The following NEBL variants were observed in gnomAD, a reference collection of about 807,000 sequenced individuals.
NEBL encodes the protein nebulette.
A neutral mutation model predicts 140.2 loss-of-function variants in NEBL; 122 were observed. The ratio of observed to expected loss-of-function variants is 0.87; its 90% CI spans 0.75 to 1.01. The LOEUF (loss-of-function observed/expected upper bound fraction) is 1.01, where lower values mean the gene tolerates loss of function less well. NEBL is among the 50% of genes least tolerant of loss of function. NEBL has a pLI of 0.00. For missense variants in NEBL, 1,365 were observed against 1,231.3 expected (o/e 1.11, Z -1.62); for synonymous variants, 436 against 398.9 (o/e 1.09, Z -1.11).
At chr10:20,806,156 T>C (rs1179258661) in intron 26 of NEBL, among the ~76,000 whole-genome samples, 1 of 152,128 alleles carries the variant, frequency 6.6e-6, no homozygotes, top group Non-Finnish European at 1.5e-5. Context: ...GGTGATTAAC[T>C]AACAGCAGCA....
intron 3 of NEBL, among the ~76,000 whole-genome samples, chr10:21,185,320 G>A (rs1841447486): frequency 6.6e-6 from 1 of 152,100 alleles, no homozygotes; most frequent in Non-Finnish European, 1.5e-5. Flanking sequence ...GACCTGCTGG[G>A]CAAAGGTGGA....
At chr10:21,069,205 G>A (rs138931763) in intron 2 of NEBL, among the ~76,000 whole-genome samples, 11 of 152,198 alleles carry the variant, frequency 7.2e-5, no homozygotes, top group African/African-American at 2.6e-4. Flanking sequence ...AACTATTTTC[G>A]AGTTTGCATG....
intron 3 of NEBL, among the ~76,000 whole-genome samples, chr10:21,216,057 A>G (rs1841988182): frequency 6.6e-6 from 1 of 152,128 alleles, no homozygotes; most frequent in Non-Finnish European, 1.5e-5. Flanking sequence ...TTCACATCAC[A>G]GTTCCGCCCC....
intron 4 of NEBL, among the ~76,000 whole-genome samples, chr10:20,911,810 G>T (rs1232065328): frequency 6.6e-6 from 1 of 152,124 alleles, no homozygotes; most frequent in African/African-American, 2.4e-5. Flanking sequence ...GTATGACTTT[G>T]AAAAGCTTTT....
intron 16 of NEBL, 132 bp from the exon 17 acceptor site, chr10:20,828,766 A>T: frequency 7.4e-6 from 2 of 268,876 alleles, no homozygotes; most frequent in Non-Finnish European, 1.5e-5. Flanking sequence ...TTACACTCCC[A>T]GAGAGAGAGA....
At chr10:21,052,974 A>G (rs1339940785) in intron 2 of NEBL, among the ~76,000 whole-genome samples, 1 of 152,218 alleles carries the variant, frequency 6.6e-6, no homozygotes, top group African/African-American at 2.4e-5. Context: ...AGTCACAACA[A>G]TATATTGTCT....
intron 7 of NEBL, 106 bp downstream of exon 7, chr10:20,868,558 T>C: frequency 1.1e-6 from 1 of 874,828 alleles, no homozygotes; most frequent in Non-Finnish European, 2.0e-6. Flanking sequence ...ATTATCTCTG[T>C]TTATTCTTGC....
chr10:21,032,750 C>T (rs1833851889), intron 2 of NEBL, among the ~76,000 whole-genome samples: 1 of 152,158 alleles, frequency 6.6e-6, no homozygotes, highest in Non-Finnish European at 1.5e-5. Context: ...ATCCAAACCC[C>T]TGGCTCTCTA....
At chr10:20,929,558 C>A (rs1408053473) in intron 4 of NEBL, among the ~76,000 whole-genome samples, 1 of 152,086 alleles carries the variant, frequency 6.6e-6, no homozygotes, top group Non-Finnish European at 1.5e-5. Flanking sequence ...TACACATACA[C>A]CATGGAATAC....
exon 1 of NEBL, chr10:21,174,111 C>T (rs1409193518): frequency 1.2e-6 from 1 of 847,932 alleles, no homozygotes; most frequent in Non-Finnish European, 1.5e-6. Flanking sequence ...ACTCCAGGTA[C>T]GGGTGACTCA....
intron 2 of NEBL, among the ~76,000 whole-genome samples, chr10:21,049,905 C>A (rs984401611): frequency 1.3e-5 from 2 of 152,094 alleles, no homozygotes; most frequent in African/African-American, 2.4e-5. Context: ...AAAACCTCAA[C>A]GGGCTAGAAA....
At chr10:20,927,140 C>G (rs1352537760) in intron 4 of NEBL, among the ~76,000 whole-genome samples, 2 of 152,074 alleles carry the variant, frequency 1.3e-5, no homozygotes, top group Non-Finnish European at 2.9e-5. Context: ...CTACTCTGGC[C>G]ACTGTGTGTC....
At chr10:20,813,493 A>C (rs1838377831) in intron 23 of NEBL, among the ~76,000 whole-genome samples, 1 of 152,188 alleles carries the variant, frequency 6.6e-6, no homozygotes, top group Non-Finnish European at 1.5e-5. Context: ...ATTATACTAG[A>C]AACCATTGAA....
At chr10:21,283,291 A>G (rs1206083596) in intron 1 of NEBL, among the ~76,000 whole-genome samples, 1 of 152,192 alleles carries the variant, frequency 6.6e-6, no homozygotes, top group East Asian at 1.9e-4. Flanking sequence ...ACAGGAAGTT[A>G]CCCTATATGG....
At chr10:20,811,695 T>C (rs1838164355) in intron 24 of NEBL, among the ~76,000 whole-genome samples, 1 of 152,200 alleles carries the variant, frequency 6.6e-6, no homozygotes, top group Non-Finnish European at 1.5e-5. Context: ...ATTTAGCTTA[T>C]CTCTAAATGG....
chr10:21,236,560 G>T (rs1842353627), intron 3 of NEBL, among the ~76,000 whole-genome samples: 1 of 152,000 alleles, frequency 6.6e-6, no homozygotes. Context: ...TGTTGGCCAG[G>T]CTGGTCTCGA....
At chr10:20,855,222 C>T (rs753424106) in intron 9 of NEBL, among the ~76,000 whole-genome samples, 4 of 144,280 alleles carry the variant, frequency 2.8e-5, no homozygotes, top group African/African-American at 7.9e-5. Flanking sequence ...AGCGAGAGTC[C>T]GTCTTAAAAA....
At chr10:20,920,033 G>T (rs1833506407) in intron 4 of NEBL, among the ~76,000 whole-genome samples, 1 of 152,140 alleles carries the variant, frequency 6.6e-6, no homozygotes, top group Non-Finnish European at 1.5e-5. Context: ...GATACAAATG[G>T]TCCTTAGTGT....
rs192086840 is a variant in NEBL at position 20,803,525 on chromosome 10, A to G, written c.2761+4985T>C. ...AAAGTAAATAAATTTAAAAGAATCA[A>G]CAACATCCAGAAGAAAAATAGCGTT... is the stretch of plus-strand genomic sequence containing the variant. On this transcript the variant is annotated intron_variant, in intron 26 of 27. Transcript: ENST00000377122. 2.5e-4 allele frequency among the ~76,000 whole-genome samples: 38 copies of G among 152,292 alleles called. No homozygotes were observed. In the East Asian group the frequency reaches 6.7e-3, roughly 27 times the overall value.
Sources: gnomAD v4.1 joint callset for allele counts (sites outside exome capture counted in the v4.1 genomes callset) on GRCh38, gnomAD v4.1.1 for gene constraint, MANE v1.5 for transcripts, NCBI Gene and HGNC (gene_info 2026-07-23, HGNC 2026-07-21) for gene names.